The following CMTM7 variants were observed in gnomAD, a reference collection of about 807,000 sequenced individuals.
CMTM7 encodes CKLF like MARVEL transmembrane domain containing 7.
CMTM7 carries 7 observed loss-of-function variants against 19.3 expected under a neutral mutation model. The ratio of observed to expected loss-of-function variants is 0.36; its 90% CI spans 0.21 to 0.68. The LOEUF (loss-of-function observed/expected upper bound fraction) is 0.68. CMTM7 is among the 30% of genes least tolerant of loss of function. CMTM7 has a pLI of 0.60. For missense variants in CMTM7, 193 were observed against 232.6 expected (o/e 0.83, Z 1.11); for synonymous variants, 87 against 99.3 (o/e 0.88, Z 0.74).
rs539599085 is a variant in CMTM7, at chr3:32,406,912, G to T, written c.159+14847G>T. 2.6e-5 allele frequency among the ~76,000 whole-genome samples: 4 copies of T among 152,264 alleles called. No individual in the cohort carries two copies. The South Asian group carries it at 8.3e-4, about 32-fold the overall frequency. Reference sequence around the variant, plus strand: ...CATTGCCTACAGACCAGAAAGGAGGGTACATAAACTCCCAGGGATCTCTGA... The same window carrying T: ...CATTGCCTACAGACCAGAAAGGAGGTTACATAAACTCCCAGGGATCTCTGA... On this transcript the variant is annotated intron_variant, in intron 1 of 4. Coordinates refer to ENST00000334983, the MANE Select transcript of CMTM7 (RefSeq NM_138410.4).
intron 1 of CMTM7, among the ~76,000 whole-genome samples, chr3:32,437,336 C>T (rs1696611861): frequency 6.6e-6 from 1 of 152,114 alleles, no homozygotes; most frequent in Admixed American, 6.5e-5. Flanking sequence ...GTGGCTCACA[C>T]CTGTAATCCC....
Position 32,441,968 on chromosome 3 carries a change from C to T in CMTM7, c.288C>T (p.Leu96=), listed in dbSNP as rs1275335415. The change falls in exon 2 of 5, where the codon CTC becomes CTT. Residue 96 remains leucine, a synonymous_variant. Transcript: ENST00000334983. ...TCCTCGCCTTTTACCTGGTCCACCT[C>T]TTCCGCTTCTACCGCGTGCTCACCT... ...IMILAFYLVH[L]FRFYRVLTCI... is the part of the protein sequence containing the mutation. 1.2e-6 allele frequency: 2 copies of T among 1,614,216 alleles called. No homozygotes were observed. The highest frequency in any genetic ancestry group is 2.2e-5 in the South Asian group (2 of 91,088).
At chr3:32,428,004 A>G (rs549429543) in intron 1 of CMTM7, among the ~76,000 whole-genome samples, 1 of 152,346 alleles carries the variant, frequency 6.6e-6, no homozygotes, top group African/African-American at 2.4e-5. Flanking sequence ...TGGCTAGGGC[A>G]GAGACTGCAT....
intron 1 of CMTM7, among the ~76,000 whole-genome samples, chr3:32,441,060 A>G (rs896116720): frequency 2.0e-5 from 3 of 151,918 alleles, no homozygotes; most frequent in Admixed American, 2.0e-4. Flanking sequence ...GAGCAGCCTC[A>G]CCTCTTAAAC....
chr3:32,415,204 T>C (rs1192117332), intron 1 of CMTM7, among the ~76,000 whole-genome samples: 1 of 151,618 alleles, frequency 6.6e-6, no homozygotes, highest in Non-Finnish European at 1.5e-5. Flanking sequence ...AAAATAATAA[T>C]AATAATAATA....
intron 2 of CMTM7, among the ~76,000 whole-genome samples, chr3:32,446,931 T>G (rs1696762628): frequency 6.6e-6 from 1 of 152,168 alleles, no homozygotes; most frequent in African/African-American, 2.4e-5. Context: ...ATAAACCTCT[T>G]TTCTTTATTT....
intron 1 of CMTM7, among the ~76,000 whole-genome samples, chr3:32,438,369 GATT>G (rs2125638243): frequency 6.6e-6 from 1 of 152,264 alleles, no homozygotes; most frequent in East Asian, 1.9e-4. Flanking sequence ...TTGTTGTACA[GATT>G]ATTTTGTCAC....
At chr3:32,444,493 C>G (rs1242047017) in intron 2 of CMTM7, among the ~76,000 whole-genome samples, 1 of 152,186 alleles carries the variant, frequency 6.6e-6, no homozygotes, top group Non-Finnish European at 1.5e-5. Flanking sequence ...AGCAAATATG[C>G]AGCCTCCCAA....
At position 32,454,276 on chromosome 3, in the gene CMTM7, C is replaced by A. The variant is rs767327692; in HGVS notation, c.*22C>A. On this transcript the variant is annotated 3_prime_UTR_variant, in exon 5 of 5. Coordinates refer to ENST00000334983, the MANE Select transcript of CMTM7 (RefSeq NM_138410.4). ...CTGATGAGGCCACAACCCCTAGGCC[C>A]CTCAGGAGCTTTGCAGAGAGGAGGA... The A allele has an allele frequency of 1.9e-6, 3 of 1,613,778 alleles. No homozygotes were observed. The Admixed American group carries it at 5.0e-5, about 27-fold the overall frequency.
chr3:32,451,791 G>C (rs952588243), intron 3 of CMTM7: 2 of 293,288 alleles, frequency 6.8e-6, no homozygotes, highest in African/African-American at 4.5e-5. Context: ...GCTGGGCTAG[G>C]TCAGCCTTCC....
Position 32,449,660 on chromosome 3 carries a change from G to C in CMTM7, c.432+108G>C. On this transcript the variant is annotated intron_variant, in intron 3 of 4. Coordinates refer to ENST00000334983, the MANE Select transcript of CMTM7 (RefSeq NM_138410.4). The surrounding 1 kb of genome is among the most constrained non-coding windows in gnomAD (Gnocchi z 4.5). The stretch of plus-strand genomic sequence containing the variant: ...TGGTTTCTGGGGCATTCCCTTCATA[G>C]AATCAATACCTACCTTGATCCAGCC... The C allele has an allele frequency of 1.2e-6, 1 of 834,430 alleles. No homozygotes were observed. Among genetic ancestry groups the C allele is most frequent in the Non-Finnish European group, 2.1e-6 (1 of 482,542 alleles). 51.7% of individuals were successfully genotyped at this position (834,430 alleles called of 1,614,324 possible).
intron 2 of CMTM7, among the ~76,000 whole-genome samples, chr3:32,444,995 A>G (rs1161361166): frequency 6.6e-6 from 1 of 152,120 alleles, no homozygotes; most frequent in East Asian, 1.9e-4. Context: ...TCTTAATTTT[A>G]TTTCCAGATT....
intron 1 of CMTM7, among the ~76,000 whole-genome samples, chr3:32,421,691 C>G (rs563030029): frequency 1.3e-5 from 2 of 152,230 alleles, no homozygotes; most frequent in South Asian, 2.1e-4. Context: ...GTCCTCATAT[C>G]TTGCTCATCT....
In CMTM7 at chr3:32,452,487, A is replaced by G. The variant is rs374450205; in HGVS notation, c.514+14A>G. The G allele has an allele frequency of 6.2e-7, 1 of 1,612,866 alleles. No homozygotes were observed. The highest frequency in any genetic ancestry group is 8.5e-7 in the Non-Finnish European group (1 of 1,178,982). On this transcript the variant is annotated intron_variant, in intron 4 of 4. Coordinates refer to ENST00000334983, the MANE Select transcript of CMTM7 (RefSeq NM_138410.4). ...CCCAGTCCACAGGTGAGTTCTGGTT[A>G]TCTGTGCACAGAGGATCTCTCAGGA... is the stretch of plus-strand genomic sequence containing the variant.
chr3:32,415,916 T>C (rs1003353210), intron 1 of CMTM7, among the ~76,000 whole-genome samples: 3 of 152,226 alleles, frequency 2.0e-5, no homozygotes, highest in Non-Finnish European at 4.4e-5. Context: ...CCACTTGGTC[T>C]TTGTCCAAGG....
At chr3:32,430,629 G>A (rs925030141) in intron 1 of CMTM7, among the ~76,000 whole-genome samples, 3 of 150,598 alleles carry the variant, frequency 2.0e-5, no homozygotes, top group Non-Finnish European at 4.4e-5. Flanking sequence ...TGTGCGCTTA[G>A]TAGCCTGCTT....
intron 1 of CMTM7, among the ~76,000 whole-genome samples, chr3:32,438,883 G>A (rs568225113): frequency 6.6e-6 from 1 of 152,320 alleles, no homozygotes; most frequent in African/African-American, 2.4e-5. Flanking sequence ...TGTCTTCAAC[G>A]ACGAGTTGGA....
chr3:32,414,861 C>T (rs762067506), intron 1 of CMTM7, among the ~76,000 whole-genome samples: 1 of 152,162 alleles, frequency 6.6e-6, no homozygotes, highest in African/African-American at 2.4e-5. Context: ...CTATTTGTCA[C>T]CTCCACTTTC....
At position 32,418,321 on chromosome 3, in the gene CMTM7, A is replaced by G. The variant is rs187119520; in HGVS notation, c.160-23519A>G. ...TTCTGGATAAAGTTCTTTGTCAGAA[A>G]TGGGATTTACAAAATGTTTCCACTG... is the stretch of plus-strand genomic sequence containing the variant. On this transcript the variant is annotated intron_variant, in intron 1 of 4. Transcript: ENST00000334983. 2.6e-5 allele frequency among the ~76,000 whole-genome samples: 4 copies of G among 152,310 alleles called. No individual in the cohort carries two copies. The East Asian group carries it at 7.7e-4, about 29-fold the overall frequency.
Sources: gnomAD v4.1 joint callset for allele counts (sites outside exome capture counted in the v4.1 genomes callset) on GRCh38, gnomAD v4.1.1 for gene constraint, Gnocchi (gnomAD v3.1) non-coding constraint, MANE v1.5 for transcripts, NCBI Gene and HGNC (gene_info 2026-07-23, HGNC 2026-07-21) for gene names.